TIAM1: variants seen among roughly 807,000 people sequenced by gnomAD.
The protein encoded by TIAM1 is rho guanine nucleotide exchange factor TIAM1.
A neutral mutation model predicts 163.5 loss-of-function variants in TIAM1; 65 were observed. That is an observed-to-expected ratio of 0.40 (90% CI 0.33 to 0.49). The LOEUF is 0.49. Among genes scored for constraint, TIAM1 ranks in the 20% least tolerant of loss-of-function variants. The pLI, the probability that TIAM1 is intolerant of heterozygous loss-of-function variation, is 0.77. For synonymous variants in TIAM1, 833 were observed against 810.1 expected (o/e 1.03, Z -0.48); for missense variants, 1,789 against 2,044.7 (o/e 0.87, Z 2.41).
chr21:31,285,786 A>T (rs1434117017), intron 2 of TIAM1, among the ~76,000 whole-genome samples: 2 of 152,100 alleles, frequency 1.3e-5, no homozygotes, highest in Admixed American at 1.3e-4. Context: ...GCTTGAACCC[A>T]GGAGGTGGAG....
At chr21:31,406,805 T>G (rs1009359882) in intron 2 of TIAM1, among the ~76,000 whole-genome samples, 1 of 152,176 alleles carries the variant, frequency 6.6e-6, no homozygotes, top group East Asian at 1.9e-4. Context: ...CATTCAATTT[T>G]CACCTTAAAA....
At chr21:31,392,391 T>C (rs2076980423) in intron 2 of TIAM1, among the ~76,000 whole-genome samples, 1 of 151,832 alleles carries the variant, frequency 6.6e-6, no homozygotes, top group Non-Finnish European at 1.5e-5. Flanking sequence ...ACCAACGTGA[T>C]GAAACCCCGT....
In TIAM1 at chr21:31,462,735, TG is replaced by T. The variant is rs1333548457; in HGVS notation, c.-369+1247del. On this transcript the variant is annotated intron_variant, in intron 2 of 28. Coordinates refer to the TIAM1 transcript ENST00000286827. ...AACTGCCTACCTAACCCCACTTTTTTGTTTTTTTTTTTTGTTTTTTTTTTTG... is the reference window on the plus strand; with the variant it reads ...AACTGCCTACCTAACCCCACTTTTTTTTTTTTTTTTTTGTTTTTTTTTTTG... Among the ~76,000 whole-genome samples, 42 of 61,772 alleles carry T rather than the reference TG, an allele frequency of 6.8e-4. No individual in the cohort carries two copies. In the South Asian group the frequency reaches 0.016, roughly 24 times the overall value. 40.5% of individuals were successfully genotyped at this position (61,772 alleles called of 152,430 possible).
intron 1 of TIAM1, among the ~76,000 whole-genome samples, chr21:31,554,886 C>T (rs368111978): frequency 3.2e-4 from 49 of 152,234 alleles, no homozygotes; most frequent in African/African-American, 1.1e-3. Context: ...GGAATCTCTG[C>T]GGCTTCCCAT....
chr21:31,423,090 CTTTTTTTTTTT>C (rs11356685), intron 2 of TIAM1, among the ~76,000 whole-genome samples: 14 of 54,578 alleles, frequency 2.6e-4, no homozygotes, highest in African/African-American at 1.1e-3. Context: ...ACAGCACTAT[CTTTTTTTTTTT>C]TTTTTTTTTT....
At chr21:31,469,589 G>A (rs1295177895) in intron 1 of TIAM1, among the ~76,000 whole-genome samples, 3 of 152,106 alleles carry the variant, frequency 2.0e-5, no homozygotes, top group African/African-American at 7.2e-5. Context: ...AGCACTTTGG[G>A]AGGCCAAGGC....
At chr21:31,121,467 C>G (rs529084114) in intron 27 of TIAM1, among the ~76,000 whole-genome samples, 17 of 152,292 alleles carry the variant, frequency 1.1e-4, no homozygotes, top group Admixed American at 3.9e-4. Flanking sequence ...CACCACGTCA[C>G]TCTTAGAGAG....
chr21:31,224,990 CTAGA>C lies in TIAM1; in HGVS notation c.1809+732_1809+735del, dbSNP rs539664968. On this transcript the variant is annotated intron_variant, in intron 7 of 27. Transcript: ENST00000541036. ...ATATAAAGCAATTATATATCTAGAT[CTAGA>C]TAGATAGATAGATATATCTCTCTCT... 9.2e-5 allele frequency among the ~76,000 whole-genome samples: 14 copies of C among 151,808 alleles called. No homozygotes were observed. The East Asian group carries it at 1.2e-3, about 13-fold the overall frequency.
At chr21:31,398,231 A>G (rs1031933936) in intron 2 of TIAM1, among the ~76,000 whole-genome samples, 9 of 151,970 alleles carry the variant, frequency 5.9e-5, no homozygotes, top group African/African-American at 1.7e-4. Context: ...GACCACATCA[A>G]TTCACTAACT....
chr21:31,215,964 C>T lies in TIAM1; in HGVS notation c.2142+1589G>A, dbSNP rs374299560. 6.0e-4 allele frequency among the ~76,000 whole-genome samples: 92 copies of T among 152,264 alleles called. 2 individuals are homozygous for T. In the South Asian group the frequency reaches 9.5e-3, roughly 16 times the overall value. On this transcript the variant is annotated intron_variant, in intron 9 of 27. Transcript: ENST00000541036. ...TCACTTGAGGTCAGGAGTTCGAGACCAGCCTGGCCAACATGGTGAAACCCC... is the reference window on the plus strand; with the variant it reads ...TCACTTGAGGTCAGGAGTTCGAGACTAGCCTGGCCAACATGGTGAAACCCC...
In TIAM1 at chr21:31,173,999, G is replaced by A. The variant is rs727550; in HGVS notation, c.2887+8422C>T. The stretch of plus-strand genomic sequence containing the variant: ...GAAGCACAGCAGGCCGACAGTTTAC[G>A]AGGCGCGCGTGTCTCCAAATGTTAT... On this transcript the variant is annotated intron_variant, in intron 15 of 27. Coordinates refer to ENST00000541036, the MANE Select transcript of TIAM1 (RefSeq NM_001353694.2). 9.9e-5 allele frequency among the ~76,000 whole-genome samples: 15 copies of A among 152,204 alleles called. No homozygotes were observed. The East Asian group carries it at 2.7e-3, about 27-fold the overall frequency.
chr21:31,292,577 C>T (rs188358538), intron 2 of TIAM1, among the ~76,000 whole-genome samples: 209 of 151,890 alleles, frequency 1.4e-3, no homozygotes, highest in African/African-American at 4.6e-3. Context: ...ACTATGTTGG[C>T]TAGGCTGGTC....
Position 31,141,578 on chromosome 21 carries a change from C to T in TIAM1, c.3476-74G>A, listed in dbSNP as rs751357964. On this transcript the variant is annotated intron_variant, in intron 20 of 27. Transcript: ENST00000541036. The surrounding 1 kb of genome is among the most constrained non-coding windows in gnomAD (Gnocchi z 4.7). ...CCCTTCCCACAATTTCCCTCCCTTCCTCAGTGACTCCAAGGTGCCTTTTTG... is the reference window on the plus strand; with the variant it reads ...CCCTTCCCACAATTTCCCTCCCTTCTTCAGTGACTCCAAGGTGCCTTTTTG... 21 of 1,549,526 alleles carry T rather than the reference C, an allele frequency of 1.4e-5. No individual in the cohort carries two copies. Among genetic ancestry groups the T allele is most frequent in the Non-Finnish European group, 1.8e-5 (20 of 1,139,076 alleles).
chr21:31,372,548 T>C lies in TIAM1; in HGVS notation c.-368-33126A>G, dbSNP rs77290182. Among the ~76,000 whole-genome samples the C allele has an allele frequency of 8.3e-3, 1,259 of 152,028 alleles. 9 individuals carry two copies. Among genetic ancestry groups the C allele is most frequent in the African/African-American group, 0.029 (1,194 of 41,454 alleles). On this transcript the variant is annotated intron_variant, in intron 2 of 28. Coordinates refer to the TIAM1 transcript ENST00000286827. Reference sequence around the variant, plus strand: ...TCAGTCTGGCAAGAGAGGGCCAAAGTTGAAACTGAGACAGTGGCCACAGAG... The same window carrying C: ...TCAGTCTGGCAAGAGAGGGCCAAAGCTGAAACTGAGACAGTGGCCACAGAG...
At chr21:31,430,243 T>TACAC (rs2043971521) in intron 2 of TIAM1, among the ~76,000 whole-genome samples, 2 of 131,162 alleles carry the variant, frequency 1.5e-5, no homozygotes, top group Admixed American at 8.1e-5. Context: ...TATATATATA[T>TACAC]ATATACACAC....
At chr21:31,181,767 T>C (rs1358571636) in intron 15 of TIAM1, among the ~76,000 whole-genome samples, 6 of 35,396 alleles carry the variant, frequency 1.7e-4, no homozygotes, top group African/African-American at 3.7e-4. Context: ...TTTTTTTTTT[T>C]TTTTTTTTTT....
intron 2 of TIAM1, among the ~76,000 whole-genome samples, chr21:31,298,409 T>C (rs978214491): frequency 2.4e-4 from 36 of 152,212 alleles, no homozygotes; most frequent in African/African-American, 8.0e-4. Flanking sequence ...AGTTAGTGTG[T>C]CATGGTGACT....
chr21:31,163,042 T>A (rs1245389985), intron 16 of TIAM1, among the ~76,000 whole-genome samples: 1 of 152,076 alleles, frequency 6.6e-6, no homozygotes, highest in East Asian at 1.9e-4. Flanking sequence ...ACTCACTATA[T>A]TTAACATGGA....
At chr21:31,333,875 A>G (rs1001587391) in intron 2 of TIAM1, among the ~76,000 whole-genome samples, 2 of 152,242 alleles carry the variant, frequency 1.3e-5, no homozygotes, top group Non-Finnish European at 2.9e-5. Flanking sequence ...ATTTGTTGAA[A>G]GAATGAATAA....
Sources: allele counts gnomAD v4.1 joint callset (sites outside exome capture counted in the v4.1 genomes callset), GRCh38; gene constraint gnomAD v4.1.1; non-coding constraint Gnocchi (gnomAD v3.1); transcripts MANE v1.5; gene names NCBI Gene and HGNC (gene_info 2026-07-23, HGNC 2026-07-21).